DCHS2: variants seen among roughly 807,000 people sequenced by gnomAD.
DCHS2 encodes the protein protocadherin-23.
Under a neutral mutation model 182.4 loss-of-function variants are expected in DCHS2, and 142 were observed. The observed-to-expected ratio is 0.78, with a 90% CI of 0.68 to 0.89. The LOEUF is 0.89. Among genes scored for constraint, DCHS2 ranks in the 40% least tolerant of loss-of-function variants. The pLI, the probability that DCHS2 is intolerant of heterozygous loss-of-function variation, is 0.00. For missense variants in DCHS2, 4,319 were observed against 4,198.6 expected, an observed-to-expected ratio of 1.03 and a Z score of -0.79; for synonymous variants, 1,740 against 1,663.3, an observed-to-expected ratio of 1.05 and a Z score of -1.12.
At chr4:154,391,319 G>A (rs1311679249) in intron 1 of DCHS2, 3 of 1,565,186 alleles carry the variant, frequency 1.9e-6, no homozygotes, top group African/African-American at 1.4e-5. Context: ...TCTCCTATAT[G>A]AGGGTAGCTT....
chr4:154,392,653 C>G (rs911053092), intron 1 of DCHS2, among the ~76,000 whole-genome samples: 1 of 152,140 alleles, frequency 6.6e-6, no homozygotes, highest in Non-Finnish European at 1.5e-5. Flanking sequence ...AAAGAGAAAA[C>G]CATGCACATA....
Position 154,333,311 on chromosome 4 carries a change from T to A in DCHS2, c.2897A>T (p.Asn966Ile), listed in dbSNP as rs1405396992. The A allele has an allele frequency of 1.2e-6, 2 of 1,614,084 alleles. No homozygotes were observed. Among genetic ancestry groups the A allele is most frequent in the Non-Finnish European group, 1.7e-6 (2 of 1,180,038 alleles). The change falls in exon 5 of 20, where the codon AAC (asparagine) becomes ATC (isoleucine). Residue 966 changes from asparagine to isoleucine, a missense_variant. Physicochemically the swap from Asn to Ile is moderately radical, Grantham distance 149. Transcript: ENST00000357232. ...SAPACSSTEV[N>I]ITVMDVNDNH... ...GTCATTGACATCCATGACTGTTATG[T>A]TGACCTCGGTGCTGCTGCAGGCTGG...
chr4:154,294,454 TA>T (rs1734829796), intron 13 of DCHS2, among the ~76,000 whole-genome samples: 1 of 152,196 alleles, frequency 6.6e-6, no homozygotes, highest in South Asian at 2.1e-4. Flanking sequence ...CTTGATCTAA[TA>T]TTTTTTATGA....
At chr4:154,271,620 A>C (rs1368214276) in intron 13 of DCHS2, among the ~76,000 whole-genome samples, 1 of 152,140 alleles carries the variant, frequency 6.6e-6, no homozygotes, top group Non-Finnish European at 1.5e-5. Context: ...CCAAGTATTC[A>C]TTTGGTCCCC....
chr4:154,363,148 G>A (rs1362910763), intron 3 of DCHS2, among the ~76,000 whole-genome samples: 3 of 152,132 alleles, frequency 2.0e-5, no homozygotes, highest in African/African-American at 7.2e-5. Context: ...ATGGAAAACA[G>A]TATGGAGGTT....
intron 1 of DCHS2, among the ~76,000 whole-genome samples, chr4:154,465,958 T>C (rs1024201641): frequency 2.6e-5 from 4 of 152,234 alleles, no homozygotes; most frequent in African/African-American, 9.6e-5. Flanking sequence ...ATATTAAAGC[T>C]GCATTGTCAG....
chr4:154,482,618 G>A (rs1490668), intron 1 of DCHS2, among the ~76,000 whole-genome samples: 108,844 of 152,136 alleles, frequency 0.72, 39,638 homozygotes, highest in East Asian at 0.99. Context: ...TGAAAGAGTC[G>A]TATTATGTGC....
rs1404135185 is a variant in DCHS2, at chr4:154,490,358, T to G, written c.998A>C (p.Tyr333Ser). 1.3e-6 allele frequency: 2 copies of G among 1,538,678 alleles called. No individual in the cohort carries two copies. Among genetic ancestry groups the G allele is most frequent in the Non-Finnish European group, 1.7e-6 (2 of 1,145,502 alleles). The change falls in exon 1 of 20, where the codon TAC becomes TCC. Residue 333 changes from tyrosine (Y) to serine (S), a missense_variant. By Grantham distance (144) the Tyr-to-Ser change is moderately radical. Coordinates refer to ENST00000357232, the MANE Select transcript of DCHS2 (RefSeq NM_001358235.2). ...RDLGPNGFVRYSVRARQVPGA... is the reference protein window; with the variant it reads ...RDLGPNGFVRSSVRARQVPGA... ...AGGCACTTGCCGGGCGCGGACGCTG[T>G]AGCGCACGAAGCCATTGGGCCCCAG...
At chr4:154,423,137 T>G (rs1733179264) in intron 1 of DCHS2, among the ~76,000 whole-genome samples, 1 of 152,230 alleles carries the variant, frequency 6.6e-6, no homozygotes, top group African/African-American at 2.4e-5. Context: ...TTAGTAGGTA[T>G]GTAAATTTTA....
chr4:154,304,762 C>T lies in DCHS2; in HGVS notation c.5512G>A (p.Val1838Ile). 2 of 1,614,038 alleles carry T rather than the reference C, an allele frequency of 1.2e-6. No homozygotes were observed. The highest frequency in any genetic ancestry group is 1.7e-6 in the Non-Finnish European group (2 of 1,179,974). The change falls in exon 12 of 20, where the codon GTT becomes ATT. Residue 1838 changes from valine to isoleucine, a missense_variant. Val to Ile is a conservative substitution (Grantham distance 29, BLOSUM62 3). Coordinates refer to ENST00000357232, the MANE Select transcript of DCHS2 (RefSeq NM_001358235.2). ...EFIVSSYDIE[V>I]LENQEPEVVY... ...ACCTCTGGTTCCTGGTTTTCCAGAA[C>T]CTCAATGTCATAACTGGAAACAATA... is the stretch of plus-strand genomic sequence containing the variant.
intron 9 of DCHS2, among the ~76,000 whole-genome samples, chr4:154,318,863 A>T (rs1735952127): frequency 1.3e-5 from 2 of 152,166 alleles, no homozygotes; most frequent in South Asian, 4.1e-4. Flanking sequence ...CGCAATTCAA[A>T]TGGAATCTCA....
At chr4:154,459,173 A>G (rs1734898279) in intron 1 of DCHS2, among the ~76,000 whole-genome samples, 1 of 152,158 alleles carries the variant, frequency 6.6e-6, no homozygotes, top group Admixed American at 6.5e-5. Context: ...GAACATTTCA[A>G]CATTAGATTT....
At chr4:154,241,633 C>T (rs1056456619) in intron 17 of DCHS2, among the ~76,000 whole-genome samples, 2 of 152,132 alleles carry the variant, frequency 1.3e-5, no homozygotes, top group African/African-American at 4.8e-5. Context: ...CTTGAACACT[C>T]TCAATGTGCA....
chr4:154,243,300 C>T (rs1462783005), intron 16 of DCHS2, among the ~76,000 whole-genome samples: 2 of 152,116 alleles, frequency 1.3e-5, no homozygotes, highest in African/African-American at 4.8e-5. Flanking sequence ...AACACACTTA[C>T]AGAAGATGTA....
intron 13 of DCHS2, among the ~76,000 whole-genome samples, chr4:154,277,250 T>C (rs1733891684): frequency 6.6e-6 from 1 of 152,026 alleles, no homozygotes; most frequent in Non-Finnish European, 1.5e-5. Context: ...ACTTTATAGC[T>C]TTTGAGGGGG....
chr4:154,330,135 T>A (rs1478280808), intron 5 of DCHS2, among the ~76,000 whole-genome samples: 1 of 152,230 alleles, frequency 6.6e-6, no homozygotes, highest in African/African-American at 2.4e-5. Context: ...GAATGACTCC[T>A]CTGAGCCTGG....
At chr4:154,253,552 G>A (rs183419247) in intron 16 of DCHS2, among the ~76,000 whole-genome samples, 24 of 152,220 alleles carry the variant, frequency 1.6e-4, no homozygotes, top group East Asian at 7.7e-4. Context: ...GCAGTCATCC[G>A]TGGAAGAGGA....
chr4:154,275,857 T>C lies in DCHS2; in HGVS notation c.6464-5844A>G, dbSNP rs1307915728. 2.0e-5 allele frequency among the ~76,000 whole-genome samples: 3 copies of C among 152,186 alleles called. No individual in the cohort carries two copies. The East Asian group carries it at 5.8e-4, about 29-fold the overall frequency. On this transcript the variant is annotated intron_variant, in intron 13 of 19. Transcript: ENST00000357232. ...AGTACAGAACTGCAAAGAAGAGTTATACATGGCCTCTCTCATAAAGGAACA... is the reference window on the plus strand; with the variant it reads ...AGTACAGAACTGCAAAGAAGAGTTACACATGGCCTCTCTCATAAAGGAACA...
chr4:154,314,542 A>G (rs991143032), intron 10 of DCHS2, among the ~76,000 whole-genome samples: 21 of 152,200 alleles, frequency 1.4e-4, no homozygotes, highest in Non-Finnish European at 2.4e-4. Flanking sequence ...AAATTCATGT[A>G]AAATGCATTT....
Sources: gnomAD v4.1 joint callset for allele counts (sites outside exome capture counted in the v4.1 genomes callset) on GRCh38, gnomAD v4.1.1 for gene constraint, MANE v1.5 for transcripts, NCBI Gene and HGNC (gene_info 2026-07-23, HGNC 2026-07-21) for gene names.